BCL11A: variants seen among roughly 807,000 people sequenced by gnomAD.
The protein encoded by BCL11A is B cell CLL/lymphoma 11A.
In BCL11A, 2 loss-of-function variants were observed where a neutral mutation model predicts 55.9. The ratio of observed to expected loss-of-function variants is 0.04; its 90% confidence interval spans 0.01 to 0.11. The LOEUF (loss-of-function observed/expected upper bound fraction) is 0.11. Among genes scored for constraint, BCL11A ranks in the 10% least tolerant of loss-of-function variants. The pLI, the probability that BCL11A is intolerant of heterozygous loss-of-function variation, is 1.00. For missense variants in BCL11A, 817 were observed against 1,137.1 expected (o/e 0.72, Z 4.05); for synonymous variants, 465 against 473.4 (o/e 0.98, Z 0.23).
At chr2:60,471,587 T>C (rs1198112205) in intron 2 of BCL11A, among the ~76,000 whole-genome samples, 1 of 152,220 alleles carries the variant, frequency 6.6e-6, no homozygotes, top group Non-Finnish European at 1.5e-5. Context: ...AGCGTCAAAC[T>C]CGAGGAGCAG....
In BCL11A at chr2:60,461,907, C is replaced by G; in HGVS notation, c.1005G>C (p.Arg335=). 1 of 1,614,140 alleles carries G rather than the reference C, an allele frequency of 6.2e-7. No homozygotes were observed. The change falls in exon 4 of 4, where the codon CGG becomes CGC. Residue 335 remains arginine (R), a synonymous_variant. Coordinates refer to ENST00000642384, the MANE Select transcript of BCL11A (RefSeq NM_022893.4). ...NTSSPPLSPG[R]PSPMQRLLQP... is the part of the protein sequence containing the mutation. Reference sequence around the variant, plus strand: ...GCAGTAACCTTTGCATAGGGCTGGGCCGGCCTGGGGACAGCGGTGGGCTAG... The same window carrying G: ...GCAGTAACCTTTGCATAGGGCTGGGGCGGCCTGGGGACAGCGGTGGGCTAG...
At chr2:60,499,193 C>G (rs1429287311) in intron 2 of BCL11A, among the ~76,000 whole-genome samples, 1 of 152,166 alleles carries the variant, frequency 6.6e-6, no homozygotes, top group African/African-American at 2.4e-5. Flanking sequence ...CAGTATCTGG[C>G]CACAGAACCT....
intron 3 of BCL11A, among the ~76,000 whole-genome samples, chr2:60,465,479 T>G (rs895344525): frequency 3.9e-5 from 6 of 152,246 alleles, no homozygotes; most frequent in Non-Finnish European, 7.3e-5. Context: ...AAATCAGCTA[T>G]TAGCCCACCT....
chr2:60,503,948 A>G (rs1473947046), intron 2 of BCL11A, among the ~76,000 whole-genome samples: 1 of 152,242 alleles, frequency 6.6e-6, no homozygotes, highest in Non-Finnish European at 1.5e-5. Flanking sequence ...AATGCAGGAA[A>G]GGAACGAGGG....
At chr2:60,550,968 C>A (rs1431963009) in intron 1 of BCL11A, 2 of 150,304 alleles carry the variant, frequency 1.3e-5, no homozygotes, top group Admixed American at 7.6e-5. Flanking sequence ...GGGAGGGATG[C>A]GAGGGGGTGG....
At chr2:60,485,962 A>G (rs1222269427) in intron 2 of BCL11A, among the ~76,000 whole-genome samples, 1 of 152,020 alleles carries the variant, frequency 6.6e-6, no homozygotes, top group Non-Finnish European at 1.5e-5. Context: ...TCCTTCCCCA[A>G]CTTTCTTTCT....
chr2:60,460,109 G>C lies in BCL11A; in HGVS notation c.*295C>G, dbSNP rs1462703006. The C allele has an allele frequency of 4.4e-6, 5 of 1,125,328 alleles. No homozygotes were observed. Among genetic ancestry groups the C allele is most frequent in the Non-Finnish European group, 5.4e-6 (5 of 922,414 alleles). The allele number at this position is 1,125,328 out of a possible 1,614,324, so 69.7% of individuals were successfully genotyped here. On this transcript the variant is annotated 3_prime_UTR_variant, in exon 4 of 4. Coordinates refer to ENST00000642384, the MANE Select transcript of BCL11A (RefSeq NM_022893.4). The stretch of plus-strand genomic sequence containing the variant: ...CACAAGAGAAAGGCTCAAAGTTTGC[G>C]TAAAATGCAATAGTATTGCCCCATA...
At chr2:60,455,176 G>T (rs570083501), downstream of BCL11A, among the ~76,000 whole-genome samples, 29 of 152,198 alleles carry the variant, frequency 1.9e-4, no homozygotes, top group South Asian at 5.8e-3. Flanking sequence ...AGATTAAAAA[G>T]AACATTTTAA....
chr2:60,483,008 T>C (rs1678047956), intron 2 of BCL11A, among the ~76,000 whole-genome samples: 1 of 152,232 alleles, frequency 6.6e-6, no homozygotes, highest in African/African-American at 2.4e-5. Context: ...ATGCTCAAAA[T>C]CTGATTTACT....
chr2:60,451,970 C>T (rs1675741337), exon 5 of BCL11A: 1 of 228,532 alleles, frequency 4.4e-6, no homozygotes, highest in South Asian at 1.8e-4. Context: ...TTTTGATTCT[C>T]CTTGAAAATT....
At chr2:60,480,138 G>C (rs527923874) in intron 2 of BCL11A, among the ~76,000 whole-genome samples, 32 of 152,346 alleles carry the variant, frequency 2.1e-4, no homozygotes, top group Non-Finnish European at 3.4e-4. Context: ...CAGCGAGGAG[G>C]GGGGAAGGTG....
intron 2 of BCL11A, among the ~76,000 whole-genome samples, chr2:60,475,838 G>T (rs564984748): frequency 6.6e-6 from 1 of 152,092 alleles, no homozygotes; most frequent in South Asian, 2.1e-4. Flanking sequence ...ACCACTCCCC[G>T]GATTCTTTTC....
Position 60,468,735 on chromosome 2 carries a change from T to C in BCL11A, c.484A>G (p.Ile162Val), listed in dbSNP as rs1677029122. The C allele has an allele frequency of 1.2e-6, 2 of 1,609,276 alleles. No homozygotes were observed. Among genetic ancestry groups the C allele is most frequent in the African/African-American group, 2.7e-5 (2 of 74,792 alleles). ...GAAGAAATAAGGCTCAACTTACAAA[T>C]ACCCTGCGGGGCATATTCTGCACTC... ...GMSAEYAPQG[I>V]CKDEPSSYTC... Residue 162 changes from isoleucine to valine, a missense_variant, in exon 3 of 4, where the codon ATT becomes GTT. By Grantham distance (29) the Ile-to-Val change is conservative (BLOSUM62 3). This residue lies in a region of BCL11A where 363 missense variants were observed against 486.6 expected (regional missense o/e 0.75). Transcript: ENST00000642384.
At chr2:60,476,168 G>A (rs1192773782) in intron 2 of BCL11A, among the ~76,000 whole-genome samples, 2 of 152,172 alleles carry the variant, frequency 1.3e-5, no homozygotes, top group South Asian at 2.1e-4. Flanking sequence ...CCTTATAGGA[G>A]AGTTCAGGGC....
At chr2:60,455,717 TG>T (rs1675909568), downstream of BCL11A, among the ~76,000 whole-genome samples, 1 of 152,212 alleles carries the variant, frequency 6.6e-6, no homozygotes, top group African/African-American at 2.4e-5. Flanking sequence ...AAATGAATAC[TG>T]TATATAAAAC....
chr2:60,451,745 C>G, exon 5 of BCL11A: 1 of 230,326 alleles, frequency 4.3e-6, no homozygotes, highest in Non-Finnish European at 8.6e-6. Context: ...ATGTTCTTTC[C>G]TAAGCTAAAT....
At chr2:60,464,560 T>G (rs1572956699) in intron 3 of BCL11A, among the ~76,000 whole-genome samples, 2 of 152,204 alleles carry the variant, frequency 1.3e-5, no homozygotes, top group African/African-American at 4.8e-5. Flanking sequence ...CTTAACACGT[T>G]CATCACTCCA....
At chr2:60,525,077 A>G (rs1426288624) in intron 2 of BCL11A, 4 of 152,236 alleles carry the variant, frequency 2.6e-5, no homozygotes, top group East Asian at 1.9e-4. Context: ...AAAAATTCCT[A>G]ACTCCAGGGA....
Position 60,458,389 on chromosome 2 carries a change from T to C in BCL11A, c.*2015A>G, listed in dbSNP as rs559018734. The C allele has an allele frequency of 7.8e-5, 80 of 1,024,444 alleles. 1 individual carries two copies. The South Asian group carries it at 3.4e-3, about 43-fold the overall frequency. The allele number at this position is 1,024,444 out of a possible 1,614,324, so 63.5% of individuals were successfully genotyped here. On this transcript the variant is annotated 3_prime_UTR_variant, in exon 4 of 4. Transcript: ENST00000642384. ...CCACCAAGACAATGGAACCCTAAAA[T>C]GCAGTTCCCCCCTAAACATAATGAA...
Sources: gnomAD v4.1 joint callset for allele counts (sites outside exome capture counted in the v4.1 genomes callset) on GRCh38, gnomAD v4.1.1 for gene constraint, gnomAD v4.1.1 regional missense constraint, MANE v1.5 for transcripts, NCBI Gene and HGNC (gene_info 2026-07-23, HGNC 2026-07-21) for gene names.